Variants in NOMO2 observed in about 807,000 individuals in gnomAD.
NOMO2 encodes the protein BOS complex subunit NOMO2.
NOMO2 carries 14 observed loss-of-function variants against 67.1 expected under a neutral mutation model. The ratio of observed to expected loss-of-function variants is 0.21; its 90% CI spans 0.14 to 0.33. The LOEUF (loss-of-function observed/expected upper bound fraction) is 0.33, where lower values mean the gene tolerates loss of function less well. Among genes scored for constraint, NOMO2 ranks in the 10% least tolerant of loss-of-function variants. The pLI is 1.00. For missense variants in NOMO2, 178 were observed against 761.0 expected, an observed-to-expected ratio of 0.23 and a Z score of 9.01; for synonymous variants, 80 against 305.9, an observed-to-expected ratio of 0.26 and a Z score of 7.71.
intron 9 of NOMO2, among the ~76,000 whole-genome samples, chr16:18,540,122 C>T (rs1409169051): frequency 4.6e-5 from 7 of 151,118 alleles, no homozygotes; most frequent in Non-Finnish European, 8.9e-5. Context: ...TGTGCACGCA[C>T]GTGTGCAACA....
At chr16:18,528,433 T>G (rs553898802) in intron 15 of NOMO2, among the ~76,000 whole-genome samples, 1 of 151,940 alleles carries the variant, frequency 6.6e-6, no homozygotes, top group African/African-American at 2.4e-5. Context: ...GGGGAGTAAG[T>G]TGGCACATGA....
rs1362594804 is a variant in NOMO2, at chr16:18,561,942, C to A, written c.99G>T (p.Glu33Asp). ...LSGVGPAHGS[E>D]DIVVGCGGFV... Reference sequence around the variant, plus strand: ...AGCCACCGCAGCCCACCACGATGTCCTCCGAGCCGTGCGCCGGCCCCACGC... The same window carrying A: ...AGCCACCGCAGCCCACCACGATGTCATCCGAGCCGTGCGCCGGCCCCACGC... The change falls in exon 1 of 31, where the codon GAG (glutamate) becomes GAT (aspartate). Residue 33 changes from glutamate to aspartate, a missense_variant. Coordinates refer to ENST00000622306, the MANE Select transcript of NOMO2 (RefSeq NM_173614.4). The A allele has an allele frequency of 3.2e-6, 5 of 1,576,982 alleles. 1 individual carries two copies. The African/African-American group carries it at 5.4e-5, about 17-fold the overall frequency.
At chr16:18,550,868 G>C (rs1262273071) in intron 4 of NOMO2, among the ~76,000 whole-genome samples, 1 of 151,834 alleles carries the variant, frequency 6.6e-6, no homozygotes, top group African/African-American at 2.4e-5. Context: ...TGACATAAAC[G>C]CTAACAGCGG....
intron 20 of NOMO2, 102 bp downstream of exon 20, chr16:18,520,495 C>T (rs1168094003): frequency 1.5e-6 from 1 of 656,996 alleles, no homozygotes; most frequent in African/African-American, 1.9e-5. Context: ...AGGTGGCTTA[C>T]AAAGATGGCT....
chr16:18,560,628 G>A (rs778760336), intron 1 of NOMO2, among the ~76,000 whole-genome samples: 4 of 151,794 alleles, frequency 2.6e-5, no homozygotes. Flanking sequence ...TGAAAAAGCA[G>A]CAAACAACGG....
At chr16:18,548,613 A>T (rs1326915250) in intron 5 of NOMO2, among the ~76,000 whole-genome samples, 4 of 152,114 alleles carry the variant, frequency 2.6e-5, no homozygotes, top group Non-Finnish European at 5.9e-5. Context: ...TCAGCTAGGC[A>T]TCTGCTCCAA....
chr16:18,557,930 G>A (rs1901948727), intron 1 of NOMO2, 139 bp from the exon 2 acceptor site: 4 of 1,428,132 alleles, frequency 2.8e-6, no homozygotes, highest in Admixed American at 2.1e-5. Context: ...GGGCATTACT[G>A]GGGACAGAGG....
intron 11 of NOMO2, among the ~76,000 whole-genome samples, chr16:18,535,479 T>C (rs1417476148): frequency 1.3e-5 from 2 of 151,998 alleles, no homozygotes; most frequent in Non-Finnish European, 2.9e-5. Context: ...AGAAAATAAA[T>C]ATATTTCCTC....
intron 5 of NOMO2, among the ~76,000 whole-genome samples, chr16:18,548,584 TAA>T (rs1385977763): frequency 1.3e-5 from 2 of 151,982 alleles, no homozygotes; most frequent in Non-Finnish European, 2.9e-5. Context: ...ATAAATGCTT[TAA>T]ATCTGACTCA....
intron 12 of NOMO2, among the ~76,000 whole-genome samples, chr16:18,531,837 A>C (rs1358948613): frequency 6.6e-6 from 1 of 152,084 alleles, no homozygotes; most frequent in Non-Finnish European, 1.5e-5. Flanking sequence ...GTGTATGAAC[A>C]AAAGTCTATC....
intron 11 of NOMO2, among the ~76,000 whole-genome samples, chr16:18,536,611 A>G (rs965021361): frequency 2.0e-5 from 3 of 152,006 alleles, no homozygotes; most frequent in Non-Finnish European, 4.4e-5. Context: ...TCTGCCTCCC[A>G]AAGTGCTGGG....
intron 3 of NOMO2, among the ~76,000 whole-genome samples, chr16:18,553,205 G>A (rs942729579): frequency 4.0e-5 from 6 of 151,828 alleles, no homozygotes; most frequent in East Asian, 3.9e-4. Context: ...AACCCGGGCC[G>A]AAGTTGCAGT....
rs373329764 is a variant in NOMO2, at chr16:18,559,769, G to T, written c.166-1978C>A. ...AGATCACTACAAAACCCAAGCCAAG[G>T]GTGGCAGCCTAAAGATCGGCTGGTT... On this transcript the variant is annotated intron_variant, in intron 1 of 30. Coordinates refer to ENST00000622306, the MANE Select transcript of NOMO2 (RefSeq NM_173614.4). 5.3e-4 allele frequency among the ~76,000 whole-genome samples: 79 copies of T among 149,258 alleles called. 1 individual carries two copies. The highest frequency in any genetic ancestry group is 1.4e-3 in the East Asian group (7 of 5,056).
At chr16:18,550,624 T>G (rs1177077746) in intron 4 of NOMO2, among the ~76,000 whole-genome samples, 1 of 152,000 alleles carries the variant, frequency 6.6e-6, no homozygotes, top group African/African-American at 2.4e-5. Flanking sequence ...CCCCTGAGAA[T>G]CTGAATCGCG....
intron 7 of NOMO2, 24 bp downstream of exon 7, chr16:18,543,593 T>C (rs754386069): frequency 1.2e-6 from 2 of 1,611,404 alleles, no homozygotes; most frequent in South Asian, 2.2e-5. Flanking sequence ...TCACACCATC[T>C]CTTTTGTTCT....
rs577637510 is a variant in NOMO2, at chr16:18,526,992, G to A, written c.1894+545C>T. Among the ~76,000 whole-genome samples the A allele has an allele frequency of 1.2e-4, 18 of 150,380 alleles. No individual in the cohort carries two copies. In the South Asian group the frequency reaches 2.4e-3, roughly 20 times the overall value. On this transcript the variant is annotated intron_variant, in intron 16 of 30. Transcript: ENST00000622306. ...AGCACTTTGGGAGGCTGAGGCGGGC[G>A]GATCACTTTAGGTCAGGAGTTTGAG... is the stretch of plus-strand genomic sequence containing the variant.
intron 3 of NOMO2, among the ~76,000 whole-genome samples, chr16:18,553,412 T>C (rs1220810375): frequency 3.6e-4 from 54 of 151,556 alleles, no homozygotes; most frequent in Admixed American, 1.4e-3. Context: ...TGAAAGAAAC[T>C]GGATATTAAA....
At chr16:18,544,227 A>G in intron 6 of NOMO2, among the ~76,000 whole-genome samples, 1 of 151,196 alleles carries the variant, frequency 6.6e-6, no homozygotes, top group Non-Finnish European at 1.5e-5. Context: ...AATGAAGTGA[A>G]AGGAAATGTG....
rs529148500 is a variant in NOMO2 at position 18,545,277 on chromosome 16, TA to T, written c.583-1509del. ...TTCCTGGCTAATTTTTTTCTATTTT[TA>T]GTAGAGATGCGGTTTCACCATGTTG... On this transcript the variant is annotated intron_variant, in intron 6 of 30. Coordinates refer to ENST00000622306, the MANE Select transcript of NOMO2 (RefSeq NM_173614.4). 7.6e-3 allele frequency among the ~76,000 whole-genome samples: 1,133 copies of T among 148,680 alleles called. 10 individuals are homozygous for T. Among genetic ancestry groups the T allele is most frequent in the Middle Eastern group, 0.021 (6 of 292 alleles).
Sources: allele counts gnomAD v4.1 joint callset (sites outside exome capture counted in the v4.1 genomes callset), GRCh38; gene constraint gnomAD v4.1.1; transcripts MANE v1.5; gene names NCBI Gene and HGNC (gene_info 2026-07-23, HGNC 2026-07-21).